Variants in SEMA3E observed in about 807,000 individuals in gnomAD.
SEMA3E encodes the protein semaphorin 3E, also known as semaphorin-3E.
Under a neutral mutation model 93.6 loss-of-function variants are expected in SEMA3E, and 49 were observed. That is an observed-to-expected ratio of 0.52 (90% CI 0.42 to 0.66). The LOEUF is 0.66. Among genes scored for constraint, SEMA3E ranks in the 30% least tolerant of loss-of-function variants. SEMA3E has a pLI of 0.00. For missense variants in SEMA3E, 906 were observed against 964.8 expected (o/e 0.94, Z 0.81); for synonymous variants, 363 against 330.7 (o/e 1.10, Z -1.06).
chr7:83,634,136 TG>T (rs1338238677), intron 1 of SEMA3E, among the ~76,000 whole-genome samples: 1 of 152,156 alleles, frequency 6.6e-6, no homozygotes, highest in African/African-American at 2.4e-5. Flanking sequence ...TATTACTATT[TG>T]TTGACTAATA....
chr7:83,558,386 T>G (rs1011869851), intron 1 of SEMA3E, among the ~76,000 whole-genome samples: 1 of 152,250 alleles, frequency 6.6e-6, no homozygotes, highest in African/African-American at 2.4e-5. Flanking sequence ...TTTTACTGAA[T>G]AATTTTGTGG....
At chr7:83,376,076 T>C (rs1322730809) in intron 16 of SEMA3E, among the ~76,000 whole-genome samples, 1 of 152,080 alleles carries the variant, frequency 6.6e-6, no homozygotes, top group African/African-American at 2.4e-5. Context: ...ATTTTTTAAA[T>C]AGACTGAAAA....
In SEMA3E at chr7:83,474,119, A is replaced by T. The variant is rs1310064035; in HGVS notation, c.277-4817T>A. Among the ~76,000 whole-genome samples, 385 of 151,718 alleles carry T rather than the reference A, an allele frequency of 2.5e-3. 3 individuals are homozygous for T. Among genetic ancestry groups the T allele is most frequent in the African/African-American group, 8.6e-3 (357 of 41,406 alleles). ...TTAAAAAAAAAAAAAAAAAAAAAGA[A>T]AAATAAGACGTATGCTTTTTCTTTT... On this transcript the variant is annotated intron_variant, in intron 2 of 16. Coordinates refer to ENST00000643230, the MANE Select transcript of SEMA3E (RefSeq NM_012431.3).
intron 4 of SEMA3E, among the ~76,000 whole-genome samples, chr7:83,433,533 A>G (rs913526913): frequency 1.1e-4 from 16 of 151,822 alleles, no homozygotes; most frequent in Admixed American, 9.2e-4. Context: ...TTAGTTTAGA[A>G]GCATCTTTTA....
At chr7:83,466,372 A>G in intron 4 of SEMA3E, 110 bp downstream of exon 4, 1 of 1,292,482 alleles carries the variant, frequency 7.7e-7, no homozygotes, top group Non-Finnish European at 1.1e-6. Context: ...CTGATTCAGT[A>G]CATCGCAAAT....
rs1170295015 is a variant in SEMA3E, at chr7:83,435,494, G to A, written c.457-17011C>T. ...GCCTGTAATCCCAGCTGCCCAGGAG[G>A]CCGAGGCAGGAGAATTGCTGGAACC... On this transcript the variant is annotated intron_variant, in intron 4 of 16. Transcript: ENST00000643230. Among the ~76,000 whole-genome samples, 4 of 152,228 alleles carry A rather than the reference G, an allele frequency of 2.6e-5. No individual in the cohort carries two copies. The East Asian group carries it at 7.7e-4, about 29-fold the overall frequency.
intron 4 of SEMA3E, among the ~76,000 whole-genome samples, chr7:83,453,343 T>A (rs1191129495): frequency 6.6e-6 from 1 of 151,920 alleles, no homozygotes; most frequent in African/African-American, 2.4e-5. Context: ...GCTACTATGT[T>A]AGTGTAAATA....
At position 83,363,908 on chromosome 7, in the gene SEMA3E, G is replaced by C. The variant is rs1353378640; in HGVS notation, c.*3678C>G. 8 of 92,200 alleles carry C rather than the reference G, an allele frequency of 8.7e-5. No homozygotes were observed. The Admixed American group carries it at 1.5e-3, about 17-fold the overall frequency. 5.7% of individuals were successfully genotyped at this position (92,200 alleles called of 1,614,324 possible). ...TTTTTTTTTTTTTTTTTTTTTTTGA[G>C]ACGGAGTCTCGCTCTGTCGCCCAGG... On this transcript the variant is annotated 3_prime_UTR_variant, in exon 17 of 17. Transcript: ENST00000643230.
Position 83,455,527 on chromosome 7 carries a change from G to A in SEMA3E, c.456+10955C>T, listed in dbSNP as rs1789461633. Among the ~76,000 whole-genome samples the A allele has an allele frequency of 4.6e-5, 7 of 152,326 alleles. No homozygotes were observed. The South Asian group carries it at 1.5e-3, about 32-fold the overall frequency. ...TATGGAAAGAATACTGTGGTGGGTAGAATGCTTATGATGTTCAAGAATCCC... is the reference window on the plus strand; with the variant it reads ...TATGGAAAGAATACTGTGGTGGGTAAAATGCTTATGATGTTCAAGAATCCC... On this transcript the variant is annotated intron_variant, in intron 4 of 16. Transcript: ENST00000643230.
At chr7:83,552,305 AC>A (rs1446123634) in intron 1 of SEMA3E, among the ~76,000 whole-genome samples, 2 of 152,158 alleles carry the variant, frequency 1.3e-5, no homozygotes, top group African/African-American at 4.8e-5. Context: ...GCCTGTCTTT[AC>A]TTTTATCTCT....
chr7:83,504,585 G>A (rs1278371084), intron 1 of SEMA3E, among the ~76,000 whole-genome samples: 1 of 152,174 alleles, frequency 6.6e-6, no homozygotes, highest in Non-Finnish European at 1.5e-5. Context: ...CCAATGCTGT[G>A]TGTACAGTTC....
Position 83,400,149 on chromosome 7 carries a change from T to C in SEMA3E, c.1245A>G (p.Ile415Met). ...ARSHPLMYQA[I>M]KPAHKKPILV... ...ATATTGGTTTTTTATGGGCAGGTTT[T>C]ATGGCCTGGTACATTAGTGGATGAC... The change falls in exon 11 of 17, where the codon ATA becomes ATG. Residue 415 changes from isoleucine (I) to methionine (M), a missense_variant. Transcript: ENST00000643230. 6.2e-7 allele frequency: 1 copy of C among 1,614,054 alleles called. No homozygotes were observed. Among genetic ancestry groups the C allele is most frequent in the African/African-American group, 1.3e-5 (1 of 75,034 alleles).
chr7:83,442,504 C>G (rs1789135371), intron 4 of SEMA3E, among the ~76,000 whole-genome samples: 1 of 152,178 alleles, frequency 6.6e-6, no homozygotes, highest in Non-Finnish European at 1.5e-5. Flanking sequence ...ATTATCTCAA[C>G]AGTGATTTAG....
In SEMA3E at chr7:83,617,024, T is replaced by A. The variant is rs914184635; in HGVS notation, c.115+31404A>T. On this transcript the variant is annotated intron_variant, in intron 1 of 16. Coordinates refer to ENST00000643230, the MANE Select transcript of SEMA3E (RefSeq NM_012431.3). ...ACAGGCGTAAGCCACCGTGCTTAAA[T>A]ATTCCAATTTATGCTCTTTATTTTC... 2.6e-5 allele frequency among the ~76,000 whole-genome samples: 4 copies of A among 152,214 alleles called. No homozygotes were observed. In the South Asian group the frequency reaches 8.3e-4, roughly 32 times the overall value.
chr7:83,543,028 G>A (rs1791570757), intron 1 of SEMA3E, among the ~76,000 whole-genome samples: 1 of 152,018 alleles, frequency 6.6e-6, no homozygotes, highest in African/African-American at 2.4e-5. Context: ...AGGCTTTAGG[G>A]AAGTTACTTA....
At chr7:83,513,834 G>A (rs1030137286) in intron 1 of SEMA3E, among the ~76,000 whole-genome samples, 1 of 152,000 alleles carries the variant, frequency 6.6e-6, no homozygotes, top group Admixed American at 6.6e-5. Flanking sequence ...TCTCTTCAAG[G>A]CTTTTAATAT....
At chr7:83,596,770 C>T (rs1792883274) in intron 1 of SEMA3E, among the ~76,000 whole-genome samples, 1 of 152,084 alleles carries the variant, frequency 6.6e-6, no homozygotes, top group African/African-American at 2.4e-5. Context: ...GATCTCTGAT[C>T]TCATGATGGC....
At chr7:83,606,762 TAAAA>T (rs200784473) in intron 1 of SEMA3E, among the ~76,000 whole-genome samples, 1 of 115,562 alleles carries the variant, frequency 8.7e-6, no homozygotes, top group Non-Finnish European at 2.0e-5. Context: ...TAAAGTATAA[TAAAA>T]AAAAAAAAAT....
At chr7:83,392,020 C>T (rs1788028632) in intron 14 of SEMA3E, among the ~76,000 whole-genome samples, 1 of 152,146 alleles carries the variant, frequency 6.6e-6, no homozygotes, top group South Asian at 2.1e-4. Context: ...AAGATCTCTG[C>T]TTAAAGAATC....
Sources: gnomAD v4.1 joint callset for allele counts (sites outside exome capture counted in the v4.1 genomes callset) on GRCh38, gnomAD v4.1.1 for gene constraint, MANE v1.5 for transcripts, NCBI Gene and HGNC (gene_info 2026-07-23, HGNC 2026-07-21) for gene names.